CNOT1: variants seen among roughly 807,000 people sequenced by gnomAD.
CNOT1 encodes the protein CCR4-NOT transcription complex subunit 1, also known as CCR4-associated factor 1.
CNOT1 carries 15 observed loss-of-function variants against 273.8 expected under a neutral mutation model. The ratio of observed to expected loss-of-function variants is 0.05; its 90% CI spans 0.04 to 0.08. The LOEUF is 0.08. Ranked by LOEUF, CNOT1 falls within the 10% of genes least tolerant of loss-of-function variation. The pLI is 1.00. For synonymous variants in CNOT1, 1,022 were observed against 1,005.5 expected, an observed-to-expected ratio of 1.02 and a Z score of -0.31; for missense variants, 1,644 against 2,912.2, an observed-to-expected ratio of 0.56 and a Z score of 10.02.
chr16:58,543,978 A>G, intron 30 of CNOT1, 75 bp from the exon 31 acceptor site: 1 of 1,490,830 alleles, frequency 6.7e-7, no homozygotes, highest in Non-Finnish European at 8.9e-7. Context: ...AATCACATTC[A>G]TGATTTTGTA....
chr16:58,585,498 G>T lies in CNOT1; in HGVS notation c.646C>A (p.Gln216Lys). The part of the protein sequence containing the change: ...FLKTLRRDFP[Q>K]ERCPVVLAPL... ...GCGAGCACCACGGGACAGCGTTCTT[G>T]GGGAAAATCTGAGAGAGGAAAAAGG... The change falls in exon 8 of 49, where the codon CAA (glutamine) becomes AAA (lysine). Residue 216 changes from glutamine to lysine, a missense_variant. Physicochemically the swap from Gln to Lys is moderately conservative, Grantham distance 53. Around this residue, in one of 13 missense-constraint regions of CNOT1, gnomAD observed 706 missense variants for 1,021.2 expected, o/e 0.69. Coordinates refer to ENST00000317147, the MANE Select transcript of CNOT1 (RefSeq NM_016284.5). The T allele has an allele frequency of 6.2e-7, 1 of 1,611,226 alleles. No individual in the cohort carries two copies. The highest frequency in any genetic ancestry group is 8.5e-7 in the Non-Finnish European group (1 of 1,179,468).
intron 1 of CNOT1, among the ~76,000 whole-genome samples, chr16:58,607,562 A>C (rs1427986934): frequency 6.6e-6 from 1 of 151,832 alleles, no homozygotes; most frequent in African/African-American, 2.4e-5. Flanking sequence ...CCCCATCACT[A>C]CTAAAAATAC....
intron 39 of CNOT1, among the ~76,000 whole-genome samples, chr16:58,535,186 GA>G (rs199894584): frequency 2.0e-5 from 3 of 147,380 alleles, no homozygotes; most frequent in East Asian, 2.0e-4. Context: ...ACCAAGTTCC[GA>G]AAAAAAAAAC....
At chr16:58,586,815 C>T in intron 6 of CNOT1, 67 bp from the exon 7 acceptor site, 2 of 1,516,774 alleles carry the variant, frequency 1.3e-6, no homozygotes, top group East Asian at 2.3e-5. Context: ...AAGTCATATA[C>T]CATCAAAATG....
At position 58,557,789 on chromosome 16, in the gene CNOT1, G is replaced by T. The variant is rs11864327; in HGVS notation, c.2332+684C>A. On this transcript the variant is annotated intron_variant, in intron 18 of 48. Transcript: ENST00000317147. The stretch of plus-strand genomic sequence containing the variant: ...GGATCACCTGAGGTCGGGAATTCGA[G>T]ATCAGCCTGGCCAATATGGTGAAAC... Among the ~76,000 whole-genome samples the T allele has an allele frequency of 4.2e-3, 634 of 152,270 alleles. 5 individuals are homozygous for T. Among genetic ancestry groups the T allele is most frequent in the African/African-American group, 0.014 (593 of 41,544 alleles).
At chr16:58,530,068 T>C (rs1368192762) in intron 43 of CNOT1, among the ~76,000 whole-genome samples, 178 bp downstream of exon 43, 3 of 152,168 alleles carry the variant, frequency 2.0e-5, no homozygotes, top group Non-Finnish European at 4.4e-5. Context: ...CAGTTGAACA[T>C]ATACAAACAC....
intron 24 of CNOT1, 47 bp from the exon 25 acceptor site, chr16:58,549,945 A>C (rs2040397121): frequency 2.5e-6 from 4 of 1,606,932 alleles, no homozygotes; most frequent in Non-Finnish European, 3.4e-6. Flanking sequence ...CACTATGATA[A>C]AATAACACTT....
intron 2 of CNOT1, among the ~76,000 whole-genome samples, 157 bp from the exon 3 acceptor site, chr16:58,589,063 C>T (rs2041966578): frequency 6.6e-6 from 1 of 151,936 alleles, no homozygotes; most frequent in Admixed American, 6.6e-5. Context: ...ATGGAAGTGC[C>T]CATAATTTAT....
At chr16:58,559,602 G>T (rs940457745) in intron 17 of CNOT1, among the ~76,000 whole-genome samples, 1 of 152,164 alleles carries the variant, frequency 6.6e-6, no homozygotes, top group African/African-American at 2.4e-5. Context: ...GCTTAAGTGT[G>T]TGGCACTACT....
chr16:58,619,367 T>C (rs537199716), intron 1 of CNOT1, among the ~76,000 whole-genome samples: 2 of 152,288 alleles, frequency 1.3e-5, no homozygotes, highest in African/African-American at 4.8e-5. Flanking sequence ...AATTTATTAT[T>C]ATTACACTGA....
At chr16:58,528,243 A>C (rs910344078) in intron 44 of CNOT1, 2 of 580,166 alleles carry the variant, frequency 3.4e-6, no homozygotes, top group Middle Eastern at 2.6e-4. Context: ...TATCAAAATT[A>C]ATATGAAAAC....
At chr16:58,555,686 A>G in intron 20 of CNOT1, 98 bp downstream of exon 20, 1 of 1,575,548 alleles carries the variant, frequency 6.3e-7, no homozygotes, top group Non-Finnish European at 8.6e-7. Flanking sequence ...AAACCGCTAT[A>G]TCAGGGCACT....
intron 47 of CNOT1, 68 bp downstream of exon 47, chr16:58,523,302 G>C: frequency 6.9e-7 from 1 of 1,447,304 alleles, no homozygotes; most frequent in Non-Finnish European, 9.2e-7. Flanking sequence ...AAAGCATAAA[G>C]AGGAAAAAAA....
At chr16:58,593,861 T>A (rs1407211513) in intron 2 of CNOT1, among the ~76,000 whole-genome samples, 1 of 152,200 alleles carries the variant, frequency 6.6e-6, no homozygotes, top group African/African-American at 2.4e-5. Context: ...AATATCTATA[T>A]AGTAGAATAT....
At chr16:58,528,715 A>G (rs559415901) in intron 43 of CNOT1, 67 bp from the exon 44 acceptor site, 1 of 1,156,840 alleles carries the variant, frequency 8.6e-7, no homozygotes, top group South Asian at 1.5e-5. Context: ...TCCTATTGTA[A>G]CTTAAGCCCC....
chr16:58,583,691 A>T (rs2086975079), intron 8 of CNOT1, among the ~76,000 whole-genome samples: 1 of 152,000 alleles, frequency 6.6e-6, no homozygotes, highest in African/African-American at 2.4e-5. Context: ...AGCATGCACC[A>T]CCACGCATGG....
At position 58,587,397 on chromosome 16, in the gene CNOT1, G is replaced by T; in HGVS notation, c.326C>A (p.Pro109His). Reference sequence around the variant, plus strand: ...TTTACTCAGCTGGGCAAATAAGTGGGGTGCAGGCTTTAAACTCTGAAACAA... The same window carrying T: ...TTTACTCAGCTGGGCAAATAAGTGGTGTGCAGGCTTTAAACTCTGAAACAA... ...LHYQKSLKPA[P>H]HLFAQLSKVL... Residue 109 changes from proline to histidine, a missense_variant, in exon 5 of 49, where the codon CCC (proline) becomes CAC (histidine). This residue lies in a region of CNOT1 where 706 missense variants were observed against 1,021.2 expected (regional missense o/e 0.69). Coordinates refer to ENST00000317147, the MANE Select transcript of CNOT1 (RefSeq NM_016284.5). The T allele has an allele frequency of 1.9e-6, 3 of 1,613,682 alleles. No individual in the cohort carries two copies. Among genetic ancestry groups the T allele is most frequent in the Non-Finnish European group, 2.5e-6 (3 of 1,179,958 alleles).
At position 58,629,805 on chromosome 16, in the gene CNOT1, T is replaced by A. The variant is rs2043758254; in HGVS notation, c.-252A>T. On this transcript the variant is annotated 5_prime_UTR_variant, in exon 1 of 49. Transcript: ENST00000317147. ...CGGCTCTCCTCGACCCCCTCTTCGG[T>A]TAACTCCGCTTGTTTCTCTACAAAA... 1 of 152,272 alleles carries A rather than the reference T, an allele frequency of 6.6e-6. No homozygotes were observed. Among genetic ancestry groups the A allele is most frequent in the South Asian group, 2.1e-4 (1 of 4,838 alleles). 9.4% of individuals were successfully genotyped at this position (152,272 alleles called of 1,614,324 possible).
chr16:58,524,250 A>G (rs1484466683), intron 46 of CNOT1, among the ~76,000 whole-genome samples: 1 of 20,620 alleles, frequency 4.8e-5, no homozygotes, highest in Non-Finnish European at 7.7e-5. Context: ...ACTCTATCGC[A>G]AAAAAAAAAA....
Sources: allele counts gnomAD v4.1 joint callset (sites outside exome capture counted in the v4.1 genomes callset), GRCh38; gene constraint gnomAD v4.1.1; regional missense constraint gnomAD v4.1.1; transcripts MANE v1.5; gene names NCBI Gene and HGNC (gene_info 2026-07-23, HGNC 2026-07-21).